The following FAM227A variants were observed in gnomAD, a reference collection of about 807,000 sequenced individuals.
The protein encoded by FAM227A is family with sequence similarity 227 member A, also known as protein FAM227A.
FAM227A carries 80 observed loss-of-function variants against 74.7 expected under a neutral mutation model. That is an observed-to-expected ratio of 1.07 (90% CI 0.89 to 1.29). The LOEUF is 1.29. Ranked by LOEUF, FAM227A falls within the 50% of genes most tolerant of loss-of-function variation. The pLI is 0.00. For synonymous variants in FAM227A, 237 were observed against 241.8 expected (o/e 0.98, Z 0.19); for missense variants, 654 against 683.4 (o/e 0.96, Z 0.48).
chr22:38,602,408 A>G (rs142441675), intron 13 of FAM227A, among the ~76,000 whole-genome samples: 1 of 152,256 alleles, frequency 6.6e-6, no homozygotes, highest in East Asian at 1.9e-4. Context: ...GCAAGATACC[A>G]CTGGAATCAC....
Position 38,585,924 on chromosome 22 carries a change from A to T in FAM227A, c.*201T>A. On this transcript the variant is annotated 3_prime_UTR_variant, in exon 17 of 17. Transcript: ENST00000535113. ...AAAGAGTAAATCTATGAATAAATGT[A>T]GTGACCCAAGCACCAACTCTCTACT... 1 of 1,202,696 alleles carries T rather than the reference A, an allele frequency of 8.3e-7. No individual in the cohort carries two copies. The allele number at this position is 1,202,696 out of a possible 1,614,324, so 74.5% of individuals were successfully genotyped here. A position where few individuals can be genotyped will look rare whatever the true frequency, so the allele number is the denominator to read the frequency against.
intron 16 of FAM227A, among the ~76,000 whole-genome samples, chr22:38,586,686 T>C (rs2090816033): frequency 6.6e-6 from 1 of 152,162 alleles, no homozygotes; most frequent in South Asian, 2.1e-4. Context: ...TCTTTCTTTT[T>C]TGGGACGGAG....
chr22:38,623,852 G>C (rs906421728), intron 9 of FAM227A, among the ~76,000 whole-genome samples: 1 of 152,162 alleles, frequency 6.6e-6, no homozygotes, highest in Non-Finnish European at 1.5e-5. Context: ...ACTTAGCTTA[G>C]TGCCAGAAAT....
At position 38,636,607 on chromosome 22, in the gene FAM227A, A is replaced by G. The variant is rs1237756237; in HGVS notation, c.373-10T>C. ...TTTTATCTGCTGTTTTCTGAAGCAA[A>G]AGAGCAGAATATGAAAATGGGGTTC... is the stretch of plus-strand genomic sequence containing the variant. On this transcript the variant is annotated splice_polypyrimidine_tract_variant and intron_variant, in intron 5 of 16. Transcript: ENST00000535113. 3.9e-6 allele frequency: 6 copies of G among 1,550,328 alleles called. No homozygotes were observed. The highest frequency in any genetic ancestry group is 5.2e-6 in the Non-Finnish European group (6 of 1,146,564).
chr22:38,595,974 G>A (rs866586570), intron 15 of FAM227A, among the ~76,000 whole-genome samples: 2 of 150,722 alleles, frequency 1.3e-5, no homozygotes, highest in Non-Finnish European at 3.0e-5. Flanking sequence ...CTAATAAGGG[G>A]GGGGGGGCAG....
At chr22:38,604,584 G>A (rs541011984) in intron 13 of FAM227A, among the ~76,000 whole-genome samples, 2 of 152,210 alleles carry the variant, frequency 1.3e-5, no homozygotes, top group African/African-American at 2.4e-5. Flanking sequence ...CTCAGTGGTT[G>A]AGAGCTCAGG....
At chr22:38,638,175 A>G (rs1270018487) in intron 5 of FAM227A, among the ~76,000 whole-genome samples, 1 of 152,124 alleles carries the variant, frequency 6.6e-6, no homozygotes, top group Non-Finnish European at 1.5e-5. Flanking sequence ...AAAAAGAAAA[A>G]AAGAAATAAA....
At chr22:38,649,439 G>A (rs762326733) in intron 2 of FAM227A, among the ~76,000 whole-genome samples, 94 of 150,028 alleles carry the variant, frequency 6.3e-4, no homozygotes, top group African/African-American at 2.0e-3. Flanking sequence ...GGTGACAGGC[G>A]CCTGTAATCC....
intron 11 of FAM227A, among the ~76,000 whole-genome samples, chr22:38,610,026 G>A (rs750103422): frequency 2.0e-5 from 3 of 151,932 alleles, no homozygotes; most frequent in Non-Finnish European, 4.4e-5. Flanking sequence ...GCCCACCTTG[G>A]CCTCCCAAAG....
chr22:38,651,307 T>C (rs530660898), intron 1 of FAM227A, among the ~76,000 whole-genome samples: 35 of 152,378 alleles, frequency 2.3e-4, no homozygotes, highest in African/African-American at 8.4e-4. Context: ...TTGCTTCTAC[T>C]GCTTTCTCCA....
In FAM227A at chr22:38,652,076, C is replaced by T. The variant is rs571205461; in HGVS notation, c.-94-1814G>A. Among the ~76,000 whole-genome samples, 4 of 151,848 alleles carry T rather than the reference C, an allele frequency of 2.6e-5. No individual in the cohort carries two copies. In the South Asian group the frequency reaches 8.3e-4, roughly 32 times the overall value. Reference sequence around the variant, plus strand: ...TGGCAGGCCCCTGTAATCCCAGCTACTAGGGAGGCTGAGGCAGGAGAATCG... The same window carrying T: ...TGGCAGGCCCCTGTAATCCCAGCTATTAGGGAGGCTGAGGCAGGAGAATCG... On this transcript the variant is annotated intron_variant, in intron 1 of 16. Coordinates refer to ENST00000535113, the MANE Select transcript of FAM227A (RefSeq NM_001013647.2).
chr22:38,623,113 A>G, intron 10 of FAM227A, 59 bp downstream of exon 10: 1 of 1,171,420 alleles, frequency 8.5e-7, no homozygotes, highest in Non-Finnish European at 1.2e-6. Context: ...TCCCTCAGTT[A>G]GATAGTGGTT....
At chr22:38,613,355 A>T (rs377391144) in intron 11 of FAM227A, among the ~76,000 whole-genome samples, 5 of 83,964 alleles carry the variant, frequency 6.0e-5, no homozygotes, top group African/African-American at 2.1e-4. Context: ...ATATTATATA[A>T]TATATATCAT....
chr22:38,627,697 C>T (rs980056587), intron 8 of FAM227A, among the ~76,000 whole-genome samples: 5 of 152,056 alleles, frequency 3.3e-5, no homozygotes, highest in African/African-American at 7.2e-5. Flanking sequence ...CTCCGCCTCC[C>T]GGGTTCATGT....
At position 38,599,781 on chromosome 22, in the gene FAM227A, T is replaced by C. The variant is rs754130318; in HGVS notation, c.1362A>G (p.Glu454=). 1 of 1,551,406 alleles carries C rather than the reference T, an allele frequency of 6.4e-7. No homozygotes were observed. Among genetic ancestry groups the C allele is most frequent in the Non-Finnish European group, 8.7e-7 (1 of 1,146,878 alleles). ...AAGGATATGGGGTGCTCGTGGTCTT[T>C]TCCCTTCTGACTATCAACACATTCT... is the stretch of plus-strand genomic sequence containing the variant. ...HGKNVLIVRR[E]KTTSTPDCTP... Residue 454 remains glutamate (E), a synonymous_variant, in exon 14 of 17, where the codon GAA becomes GAG. Coordinates refer to ENST00000535113, the MANE Select transcript of FAM227A (RefSeq NM_001013647.2).
intron 11 of FAM227A, among the ~76,000 whole-genome samples, chr22:38,613,260 T>TAATA (rs1258665064): frequency 4.9e-5 from 3 of 61,638 alleles, no homozygotes; most frequent in African/African-American, 6.8e-5. Flanking sequence ...ATAACATATA[T>TAATA]TATAACATAT....
intron 1 of FAM227A, among the ~76,000 whole-genome samples, chr22:38,652,311 A>G (rs5750652): frequency 0.35 from 53,430 of 151,244 alleles, 9,742 homozygotes; most frequent in East Asian, 0.47. Context: ...ACTTTAGGCC[A>G]GGCGCAGTGG....
At chr22:38,599,295 A>G (rs1433188108) in intron 14 of FAM227A, among the ~76,000 whole-genome samples, 2 of 151,994 alleles carry the variant, frequency 1.3e-5, no homozygotes, top group Non-Finnish European at 1.5e-5. Context: ...TGAGCTTTCT[A>G]TTAGATCTTT....
At chr22:38,638,975 C>T (rs1007526293) in intron 4 of FAM227A, among the ~76,000 whole-genome samples, 153 bp from the exon 5 acceptor site, 1 of 152,198 alleles carries the variant, frequency 6.6e-6, no homozygotes, top group African/African-American at 2.4e-5. Flanking sequence ...GCCGACTTAT[C>T]TGATTAGACC....
Sources: gnomAD v4.1 joint callset for allele counts (sites outside exome capture counted in the v4.1 genomes callset) on GRCh38, gnomAD v4.1.1 for gene constraint, MANE v1.5 for transcripts, NCBI Gene and HGNC (gene_info 2026-07-23, HGNC 2026-07-21) for gene names.